The following MAF variants were observed in gnomAD, a reference collection of about 807,000 sequenced individuals.
The protein encoded by MAF is MAF bZIP transcription factor, also known as transcription factor Maf.
A neutral mutation model predicts 22.0 loss-of-function variants in MAF; 10 were observed. That is an observed-to-expected ratio of 0.45 (90% CI 0.28 to 0.77). The LOEUF (loss-of-function observed/expected upper bound fraction) is 0.77. Ranked by LOEUF, MAF falls within the 30% of genes least tolerant of loss-of-function variation. The probability of loss-of-function intolerance (pLI) is 0.12; values close to 1 mark genes in which losing one functional copy is unlikely to be tolerated. For missense variants in MAF, 544 were observed against 548.4 expected (o/e 0.99, Z 0.08); for synonymous variants, 337 against 255.8 (o/e 1.32, Z -3.03).
the MAF span, among the ~76,000 whole-genome samples, chr16:79,561,331 T>A: frequency 6.6e-6 from 1 of 151,808 alleles, no homozygotes; most frequent in South Asian, 2.1e-4. Context: ...TTTTTTTATA[T>A]ATACTTTAAG....
intron 1 of MAF, among the ~76,000 whole-genome samples, chr16:79,588,058 C>T (rs1254468941): frequency 6.6e-6 from 1 of 152,174 alleles, no homozygotes; most frequent in African/African-American, 2.4e-5. Flanking sequence ...CACATGTCTA[C>T]GAGCACATAG....
chr16:79,438,580 G>C, the MAF span, among the ~76,000 whole-genome samples: 1 of 152,082 alleles, frequency 6.6e-6, no homozygotes, highest in Non-Finnish European at 1.5e-5. Context: ...CGGGAACCTC[G>C]AGGACAGGAT....
At chr16:79,514,641 T>C in the MAF span, among the ~76,000 whole-genome samples, 1 of 152,106 alleles carries the variant, frequency 6.6e-6, no homozygotes, top group African/African-American at 2.4e-5. Flanking sequence ...GAAACTAAGA[T>C]CTATAACTCC....
At chr16:79,584,328 C>A (rs1912711835), downstream of MAF, among the ~76,000 whole-genome samples, 1 of 152,128 alleles carries the variant, frequency 6.6e-6, no homozygotes, top group Admixed American at 6.5e-5. Flanking sequence ...CCCAAGAGTA[C>A]CAAGTATTGA....
the MAF span, among the ~76,000 whole-genome samples, chr16:79,228,428 A>G: frequency 5.3e-5 from 8 of 152,026 alleles, no homozygotes; most frequent in Non-Finnish European, 1.0e-4. Flanking sequence ...GCTTCACTAG[A>G]TCCTGCTCTG....
the MAF span, among the ~76,000 whole-genome samples, chr16:79,493,501 G>C: frequency 0.054 from 8,227 of 152,156 alleles, 322 homozygotes; most frequent in South Asian, 0.11. Flanking sequence ...TTTTAGTAGA[G>C]ACAGGTTTTA....
the MAF span, among the ~76,000 whole-genome samples, chr16:79,428,835 A>T: frequency 6.9e-6 from 1 of 144,536 alleles, no homozygotes; most frequent in Non-Finnish European, 1.5e-5. Flanking sequence ...AGAAAGCAAG[A>T]CCCTGTCTCA....
At chr16:79,382,576 C>G in the MAF span, among the ~76,000 whole-genome samples, 1 of 152,164 alleles carries the variant, frequency 6.6e-6, no homozygotes, top group Non-Finnish European at 1.5e-5. Flanking sequence ...GAGAATGGCA[C>G]ACCTGATCAG....
the MAF span, among the ~76,000 whole-genome samples, chr16:79,543,507 C>T: frequency 3.3e-5 from 5 of 152,176 alleles, no homozygotes; most frequent in Non-Finnish European, 7.4e-5. Context: ...CGGGCAGTCC[C>T]ACCTTTCCAA....
the MAF span, among the ~76,000 whole-genome samples, chr16:79,532,173 C>G: frequency 6.6e-6 from 1 of 152,196 alleles, no homozygotes; most frequent in Admixed American, 6.6e-5. Flanking sequence ...GTCTGGCAAA[C>G]TGACCCCAGT....
At chr16:79,250,068 G>T in the MAF span, among the ~76,000 whole-genome samples, 1 of 152,222 alleles carries the variant, frequency 6.6e-6, no homozygotes, top group Non-Finnish European at 1.5e-5. Flanking sequence ...TTGAATCTGA[G>T]TTGAATTATG....
chr16:79,528,421 T>C, the MAF span, among the ~76,000 whole-genome samples: 556 of 152,284 alleles, frequency 3.7e-3, 1 homozygote, highest in African/African-American at 0.013. Context: ...GAAATCATCC[T>C]GCTCTTGGCA....
At chr16:79,354,709 C>G in the MAF span, among the ~76,000 whole-genome samples, 1 of 152,202 alleles carries the variant, frequency 6.6e-6, no homozygotes, top group Non-Finnish European at 1.5e-5. Flanking sequence ...CAGGACAAAA[C>G]AGTTCTCCTT....
chr16:79,300,285 G>T, the MAF span, among the ~76,000 whole-genome samples: 1 of 152,048 alleles, frequency 6.6e-6, no homozygotes, highest in African/African-American at 2.4e-5. Context: ...GACCAGGCGC[G>T]GTGGCTCACA....
the MAF span, among the ~76,000 whole-genome samples, chr16:79,253,566 C>G: frequency 6.6e-6 from 1 of 152,132 alleles, no homozygotes; most frequent in African/African-American, 2.4e-5. Flanking sequence ...GCCTCCGGGG[C>G]AGGTGTGTGT....
At chr16:79,521,054 T>A in the MAF span, among the ~76,000 whole-genome samples, 1 of 152,172 alleles carries the variant, frequency 6.6e-6, no homozygotes, top group African/African-American at 2.4e-5. Flanking sequence ...TCCTAACCAC[T>A]GTATCATACA....
Position 79,599,238 on chromosome 16 carries a change from G to C in MAF, c.665C>G (p.Ala222Gly), listed in dbSNP as rs1323052889. Reference protein sequence around the residue: ...GAGGAGGGGPASAGGGGGGGG... With the variant: ...GAGGAGGGGPGSAGGGGGGGG... Reference sequence around the variant, plus strand: ...GCCGCCGCCGCCGCCCCCAGCGCTGGCCGGGCCACCGCCGCCCGCGCCCCC... The same window carrying C: ...GCCGCCGCCGCCGCCCCCAGCGCTGCCCGGGCCACCGCCGCCCGCGCCCCC... The change falls in exon 1 of 2, where the codon GCC (alanine) becomes GGC (glycine). Residue 222 changes from alanine to glycine, a missense_variant. By Grantham distance (60) the Ala-to-Gly change is moderately conservative. Around this residue, in one of 5 missense-constraint regions of MAF, gnomAD observed 342 missense variants for 315.5 expected, o/e 1.08. Transcript: ENST00000326043. The C allele has an allele frequency of 1.0e-6, 1 of 978,142 alleles. No individual in the cohort carries two copies. Among genetic ancestry groups the C allele is most frequent in the Non-Finnish European group, 1.2e-6 (1 of 827,080 alleles). The allele number at this position is 978,142 out of a possible 1,614,324, so 60.6% of individuals were successfully genotyped here.
At chr16:79,284,523 G>C in the MAF span, among the ~76,000 whole-genome samples, 1 of 152,198 alleles carries the variant, frequency 6.6e-6, no homozygotes, top group Non-Finnish European at 1.5e-5. Flanking sequence ...CCAGGAAAGA[G>C]AGCAGAGATA....
chr16:79,470,641 C>T, the MAF span, among the ~76,000 whole-genome samples: 3 of 152,098 alleles, frequency 2.0e-5, no homozygotes, highest in African/African-American at 4.8e-5. Context: ...ATTATTCTTC[C>T]CATTTATCAG....
Sources: allele counts gnomAD v4.1 joint callset (sites outside exome capture counted in the v4.1 genomes callset), GRCh38; gene constraint gnomAD v4.1.1; regional missense constraint gnomAD v4.1.1; transcripts MANE v1.5; gene names NCBI Gene and HGNC (gene_info 2026-07-23, HGNC 2026-07-21).